ARID5B: variants seen among roughly 807,000 people sequenced by gnomAD.
The protein encoded by ARID5B is AT-rich interactive domain-containing protein 5B.
In ARID5B, 13 loss-of-function variants were observed where a neutral mutation model predicts 97.2. That is an observed-to-expected ratio of 0.13 (90% CI 0.09 to 0.21). ARID5B has a LOEUF of 0.21. Ranked by LOEUF, ARID5B falls within the 10% of genes least tolerant of loss-of-function variation. The pLI, the probability that ARID5B is intolerant of heterozygous loss-of-function variation, is 1.00. For missense variants in ARID5B, 1,210 were observed against 1,465.3 expected (o/e 0.83, Z 2.84); for synonymous variants, 556 against 570.3 (o/e 0.97, Z 0.36).
chr10:61,946,826 C>G (rs1419660480), intron 3 of ARID5B, among the ~76,000 whole-genome samples: 1 of 152,078 alleles, frequency 6.6e-6, no homozygotes, highest in African/African-American at 2.4e-5. Flanking sequence ...GAGGCTGAGG[C>G]AGGAGAACTG....
intron 2 of ARID5B, 83 bp downstream of exon 2, chr10:61,902,496 C>A: frequency 6.5e-7 from 1 of 1,533,062 alleles, no homozygotes; most frequent in South Asian, 1.2e-5. Flanking sequence ...CTTGAAAATA[C>A]TGTATTCACT....
intron 4 of ARID5B, among the ~76,000 whole-genome samples, chr10:62,020,538 C>T (rs755018818): frequency 9.2e-5 from 14 of 152,146 alleles, no homozygotes; most frequent in Admixed American, 2.6e-4. Context: ...GTAAAACAAA[C>T]AGCTTTGAAA....
chr10:62,022,668 A>T (rs1283432896), intron 4 of ARID5B, among the ~76,000 whole-genome samples: 3 of 152,144 alleles, frequency 2.0e-5, no homozygotes, highest in African/African-American at 7.2e-5. Context: ...ACAATCCCTC[A>T]TTTGTGACAC....
chr10:61,979,238 A>G (rs541991974), intron 3 of ARID5B, among the ~76,000 whole-genome samples: 29 of 152,318 alleles, frequency 1.9e-4, no homozygotes, highest in Middle Eastern at 3.4e-3. Context: ...TACATTAGTG[A>G]GTTTCCTCTG....
intron 4 of ARID5B, among the ~76,000 whole-genome samples, chr10:62,031,395 C>T (rs1483270679): frequency 2.0e-5 from 3 of 152,208 alleles, no homozygotes; most frequent in African/African-American, 7.2e-5. Context: ...TGCTTTCCAG[C>T]TAATCCCAAA....
At chr10:62,088,794 A>C (rs1304199397) in intron 9 of ARID5B, among the ~76,000 whole-genome samples, 1 of 152,176 alleles carries the variant, frequency 6.6e-6, no homozygotes, top group East Asian at 1.9e-4. Flanking sequence ...TGGTGTTTTC[A>C]ATATGAAGCG....
intron 2 of ARID5B, among the ~76,000 whole-genome samples, chr10:61,907,449 T>C (rs1843726100): frequency 6.6e-6 from 1 of 152,236 alleles, no homozygotes; most frequent in Non-Finnish European, 1.5e-5. Context: ...AGCCTCTGTT[T>C]CTTCCTCTGT....
intron 4 of ARID5B, chr10:62,049,286 T>A (rs1433588475): frequency 1.4e-6 from 2 of 1,457,222 alleles, no homozygotes; most frequent in Non-Finnish European, 1.8e-6. Context: ...TAGTCACTGC[T>A]GTGTGTTTAC....
intron 3 of ARID5B, 126 bp from the exon 4 acceptor site, chr10:61,999,965 A>G: frequency 1.1e-6 from 1 of 943,504 alleles, no homozygotes; most frequent in South Asian, 1.6e-5. Flanking sequence ...GGCATCCCCC[A>G]GACTGTAACA....
intron 4 of ARID5B, among the ~76,000 whole-genome samples, chr10:62,035,615 C>T (rs1043813859): frequency 5.3e-5 from 8 of 152,072 alleles, no homozygotes; most frequent in African/African-American, 1.9e-4. Flanking sequence ...CCCAGCCTCC[C>T]GAGTAGCTGC....
intron 3 of ARID5B, among the ~76,000 whole-genome samples, chr10:61,953,788 A>G (rs140069796): frequency 1.3e-5 from 2 of 152,336 alleles, no homozygotes; most frequent in African/African-American, 4.8e-5. Context: ...GATCATCTAT[A>G]GGGGTACCCA....
intron 3 of ARID5B, among the ~76,000 whole-genome samples, chr10:61,960,220 TC>T (rs1220129184): frequency 1.3e-5 from 2 of 152,184 alleles, no homozygotes; most frequent in Non-Finnish European, 2.9e-5. Context: ...TAATATTCAT[TC>T]TCTACTGTCT....
chr10:61,914,699 AC>A lies in ARID5B; in HGVS notation c.276+12287del, dbSNP rs1289376745. Among the ~76,000 whole-genome samples, 4 of 152,260 alleles carry A rather than the reference AC, an allele frequency of 2.6e-5. No homozygotes were observed. In the South Asian group the frequency reaches 6.2e-4, roughly 24 times the overall value. ...AACATTTTCCATTAATTCAGTGACC[AC>A]TTATATGTCAGGCATTGCAAATACA... On this transcript the variant is annotated intron_variant, in intron 2 of 9. Transcript: ENST00000279873.
At chr10:61,993,208 G>A (rs1589250028) in intron 3 of ARID5B, among the ~76,000 whole-genome samples, 1 of 152,056 alleles carries the variant, frequency 6.6e-6, no homozygotes, top group East Asian at 1.9e-4. Context: ...AACTGCAAAT[G>A]TGTTTTCCCC....
At chr10:61,961,828 AC>A (rs1271063492) in intron 3 of ARID5B, among the ~76,000 whole-genome samples, 3 of 151,664 alleles carry the variant, frequency 2.0e-5, no homozygotes, top group Non-Finnish European at 2.9e-5. Context: ...GCTCACTGCA[AC>A]CTCTGCCTCC....
At chr10:62,057,012 C>G in intron 5 of ARID5B, 105 bp from the exon 6 acceptor site, 2 of 1,051,006 alleles carry the variant, frequency 1.9e-6, no homozygotes, top group Non-Finnish European at 2.8e-6. Flanking sequence ...ACCGGTTCAC[C>G]CTTAGCACTC....
chr10:62,031,846 T>C (rs1400739296), intron 4 of ARID5B, among the ~76,000 whole-genome samples: 1 of 152,168 alleles, frequency 6.6e-6, no homozygotes, highest in African/African-American at 2.4e-5. Context: ...GATATACCTA[T>C]TTTTCTGTGA....
At chr10:61,934,745 T>C (rs1471431176) in intron 2 of ARID5B, among the ~76,000 whole-genome samples, 1 of 152,170 alleles carries the variant, frequency 6.6e-6, no homozygotes, top group Non-Finnish European at 1.5e-5. Flanking sequence ...CTGGGTGCGG[T>C]GGCTCACACC....
chr10:62,086,771 G>A (rs1469135548), intron 9 of ARID5B, among the ~76,000 whole-genome samples: 1 of 151,542 alleles, frequency 6.6e-6, no homozygotes, highest in Non-Finnish European at 1.5e-5. Context: ...GAGGTGGGAG[G>A]ATAACCAGAG....
Sources: allele counts gnomAD v4.1 joint callset (sites outside exome capture counted in the v4.1 genomes callset), GRCh38; gene constraint gnomAD v4.1.1; transcripts MANE v1.5; gene names NCBI Gene and HGNC (gene_info 2026-07-23, HGNC 2026-07-21).